Variants in GABRA5 observed in about 807,000 individuals in gnomAD.
GABRA5 encodes gamma-aminobutyric acid type A receptor subunit alpha5.
In GABRA5, 18 loss-of-function variants were observed where a neutral mutation model predicts 47.3. That is an observed-to-expected ratio of 0.38 (90% CI 0.26 to 0.56). The LOEUF (loss-of-function observed/expected upper bound fraction) is 0.56, where lower values mean the gene tolerates loss of function less well. Among genes scored for constraint, GABRA5 ranks in the 20% least tolerant of loss-of-function variants. GABRA5 has a pLI of 0.71. For missense variants in GABRA5, 365 were observed against 599.3 expected (o/e 0.61, Z 4.08); for synonymous variants, 237 against 229.3 (o/e 1.03, Z -0.30).
chr15:26,883,558 G>C lies in GABRA5; in HGVS notation c.497+1G>C. The C allele has an allele frequency of 1.3e-6, 2 of 1,579,286 alleles. No individual in the cohort carries two copies. The highest frequency in any genetic ancestry group is 1.7e-6 in the Non-Finnish European group (2 of 1,156,642). ...ACGGCACCCTGCTCTACACCATGCGGTGAGCGCCGGGCGGGGGCGGGCGGG... is the reference window on the plus strand; with the variant it reads ...ACGGCACCCTGCTCTACACCATGCGCTGAGCGCCGGGCGGGGGCGGGCGGG... On this transcript the variant is annotated splice_donor_variant, in intron 6 of 10. Coordinates refer to ENST00000335625, the MANE Select transcript of GABRA5 (RefSeq NM_000810.4). LOFTEE classifies it high-confidence loss of function. This position sits in a 1 kb window ranked among gnomAD's most constrained non-coding sequence, Gnocchi z 4.8.
intron 3 of GABRA5, among the ~76,000 whole-genome samples, chr15:26,872,462 T>G (rs1425284766): frequency 6.6e-6 from 1 of 152,172 alleles, no homozygotes; most frequent in Non-Finnish European, 1.5e-5. Context: ...AGGGTAGCCC[T>G]GGATCAAACC....
At chr15:26,940,109 G>C in intron 9 of GABRA5, 32 bp downstream of exon 9, 1 of 1,583,598 alleles carries the variant, frequency 6.3e-7, no homozygotes, top group Non-Finnish European at 8.6e-7. Context: ...CTGGACACTG[G>C]TGTTTTGTGA....
Position 26,883,076 on chromosome 15 carries a change from G to A in GABRA5, c.209-90G>A, listed in dbSNP as rs1198537025. On this transcript the variant is annotated intron_variant, in intron 4 of 10. Transcript: ENST00000335625. This position sits in a 1 kb window ranked among gnomAD's most constrained non-coding sequence, Gnocchi z 4.8. ...CTGCAAAAGCCCCCGGTTGCAGAGG[G>A]TGACCCTGGTTACTGGACTGAGAGC... 1 of 1,038,332 alleles carries A rather than the reference G, an allele frequency of 9.6e-7. No individual in the cohort carries two copies. Among genetic ancestry groups the A allele is most frequent in the Non-Finnish European group, 1.5e-6 (1 of 655,702 alleles). The allele number at this position is 1,038,332 out of a possible 1,614,324, so 64.3% of individuals were successfully genotyped here.
chr15:26,898,966 G>A (rs953629597), intron 6 of GABRA5, among the ~76,000 whole-genome samples: 2 of 151,930 alleles, frequency 1.3e-5, no homozygotes, highest in Non-Finnish European at 2.9e-5. Context: ...GAACTCCTGG[G>A]CTCAAGTGAT....
chr15:26,913,070 G>C (rs947053483), intron 6 of GABRA5, among the ~76,000 whole-genome samples: 5 of 149,772 alleles, frequency 3.3e-5, no homozygotes, highest in Non-Finnish European at 5.9e-5. Context: ...TATAATCCCA[G>C]CTACTCAGGA....
chr15:26,909,573 A>T (rs895680411), intron 6 of GABRA5, among the ~76,000 whole-genome samples: 2 of 152,168 alleles, frequency 1.3e-5, no homozygotes, highest in Non-Finnish European at 2.9e-5. Flanking sequence ...GCTCTAGGGG[A>T]GAGGCTGTTT....
chr15:26,888,478 G>C (rs1286480398), intron 6 of GABRA5, among the ~76,000 whole-genome samples: 2 of 152,170 alleles, frequency 1.3e-5, no homozygotes, highest in Non-Finnish European at 2.9e-5. Context: ...GGAGAGGTTA[G>C]GGGAGCTGAA....
rs1894552065 is a variant in GABRA5, at chr15:26,947,957, T to G, written c.1113T>G (p.Asn371Lys). ...KIKKKREVIL[N>K]KSTNAFTTGK... is the part of the protein sequence containing the mutation. ...AGAAAAAGCGTGAAGTCATACTAAA[T>G]AAGTCAACAAACGCTTTTACAACTG... Residue 371 changes from asparagine (N) to lysine (K), a missense_variant, in exon 11 of 11, where the codon AAT becomes AAG. Around this residue, in one of 3 missense-constraint regions of GABRA5, gnomAD observed 106 missense variants for 130.3 expected, o/e 0.81. Transcript: ENST00000335625. 6.3e-7 allele frequency: 1 copy of G among 1,583,126 alleles called. No homozygotes were observed. Among genetic ancestry groups the G allele is most frequent in the South Asian group, 1.2e-5 (1 of 86,578 alleles).
intron 6 of GABRA5, among the ~76,000 whole-genome samples, chr15:26,903,108 C>A (rs2140281517): frequency 6.6e-6 from 1 of 152,186 alleles, no homozygotes; most frequent in Middle Eastern, 3.4e-3. Flanking sequence ...TCTCCCTCAT[C>A]CCACCCTCCA....
intron 4 of GABRA5, among the ~76,000 whole-genome samples, chr15:26,882,036 G>A (rs1387243902): frequency 2.6e-5 from 4 of 152,182 alleles, no homozygotes; most frequent in African/African-American, 7.2e-5. Context: ...TCCACTTAAA[G>A]CATGAGTTGC....
chr15:26,874,613 G>A (rs1892548842), intron 3 of GABRA5, among the ~76,000 whole-genome samples: 1 of 152,182 alleles, frequency 6.6e-6, no homozygotes, highest in South Asian at 2.1e-4. Context: ...TGAAAACATT[G>A]TCTACTGCAG....
intron 7 of GABRA5, among the ~76,000 whole-genome samples, chr15:26,931,090 G>A (rs1894096532): frequency 1.3e-5 from 2 of 150,806 alleles, no homozygotes; most frequent in East Asian, 2.0e-4. Flanking sequence ...GTAGAGACGG[G>A]GTTTCACCAT....
chr15:26,883,221 C>T lies in GABRA5; in HGVS notation c.264C>T (p.Ser88=), dbSNP rs547815463. The change falls in exon 5 of 11, where the codon TCC becomes TCT. Residue 88 remains serine (S), a synonymous_variant. Coordinates refer to ENST00000335625, the MANE Select transcript of GABRA5 (RefSeq NM_000810.4). The surrounding 1 kb of genome is among the most constrained non-coding windows in gnomAD (Gnocchi z 4.8). The part of the protein sequence containing the change: ...DIYVTSFGPV[S]DTEMEYTIDV... ...ACGTCACCAGCTTCGGCCCGGTGTCCGACACGGAAATGGTAGGTCCCGGGG... is the reference window on the plus strand; with the variant it reads ...ACGTCACCAGCTTCGGCCCGGTGTCTGACACGGAAATGGTAGGTCCCGGGG... 15 of 1,613,842 alleles carry T rather than the reference C, an allele frequency of 9.3e-6. No homozygotes were observed. The highest frequency in any genetic ancestry group is 5.5e-5 in the South Asian group (5 of 91,086).
intron 6 of GABRA5, among the ~76,000 whole-genome samples, chr15:26,904,922 C>T (rs1893406640): frequency 6.6e-6 from 1 of 151,988 alleles, no homozygotes; most frequent in East Asian, 1.9e-4. Context: ...GTTTGACTTC[C>T]TTGCTTCCTA....
At position 26,914,833 on chromosome 15, in the gene GABRA5, G is replaced by A. The variant is rs1421383201; in HGVS notation, c.528G>A (p.Gln176=). The stretch of plus-strand genomic sequence containing the variant: ...CCATCTCTGCAGAGTGCCCCATGCA[G>A]CTTGAGGACTTCCCGATGGATGCGC... The part of the protein sequence containing the change: ...RLTISAECPM[Q]LEDFPMDAHA... Residue 176 remains glutamine, a synonymous_variant, in exon 7 of 11, where the codon CAG becomes CAA. Transcript: ENST00000335625. 1 of 1,614,030 alleles carries A rather than the reference G, an allele frequency of 6.2e-7. No individual in the cohort carries two copies. Among genetic ancestry groups the A allele is most frequent in the African/African-American group, 1.3e-5 (1 of 75,052 alleles).
In GABRA5 at chr15:26,937,317, G is replaced by A. The variant is rs762861847; in HGVS notation, c.713G>A (p.Ser238Asn). 19 of 1,611,354 alleles carry A rather than the reference G, an allele frequency of 1.2e-5. No individual in the cohort carries two copies. Among genetic ancestry groups the A allele is most frequent in the Non-Finnish European group, 1.5e-5 (18 of 1,178,608 alleles). The change falls in exon 8 of 11, where the codon AGC becomes AAC. Residue 238 changes from serine (S) to asparagine (N), a missense_variant. Ser to Asn is a conservative substitution (Grantham distance 46, BLOSUM62 1). Around this residue, in one of 3 missense-constraint regions of GABRA5, gnomAD observed 216 missense variants for 335.3 expected, o/e 0.64. Transcript: ENST00000335625. Reference protein sequence around the residue: ...MGQTVGTENISTSTGEYTIMT... With the variant: ...MGQTVGTENINTSTGEYTIMT... ...CAGACGGTGGGCACTGAGAACATCA[G>A]CACCAGCACAGGTGAGGGCTCGGCA...
rs948051098 is a variant in GABRA5, at chr15:26,944,765, T to C, written c.1089+1339T>C. On this transcript the variant is annotated intron_variant, in intron 10 of 10. Coordinates refer to ENST00000335625, the MANE Select transcript of GABRA5 (RefSeq NM_000810.4). ...CACTGTGTTGCTGGAAGGTGCTTGT[T>C]TGTCACCTGCCTGGGACATAGATGG... 2.0e-5 allele frequency among the ~76,000 whole-genome samples: 3 copies of C among 152,134 alleles called. 1 individual carries two copies. Among genetic ancestry groups the C allele is most frequent in the African/African-American group, 7.2e-5 (3 of 41,446 alleles).
Position 26,883,869 on chromosome 15 carries a change from C to T in GABRA5, c.497+312C>T, listed in dbSNP as rs887919391. Among the ~76,000 whole-genome samples, 1 of 152,088 alleles carries T rather than the reference C, an allele frequency of 6.6e-6. No individual in the cohort carries two copies. Among genetic ancestry groups the T allele is most frequent in the Non-Finnish European group, 1.5e-5 (1 of 68,030 alleles). On this transcript the variant is annotated intron_variant, in intron 6 of 10. Coordinates refer to ENST00000335625, the MANE Select transcript of GABRA5 (RefSeq NM_000810.4). This position sits in a 1 kb window ranked among gnomAD's most constrained non-coding sequence, Gnocchi z 4.8. The stretch of plus-strand genomic sequence containing the variant: ...AAATTATTATATTAAACTTAAACAT[C>T]TAAGGAGGACCGGGCGTGGTGGCTC...
Position 26,936,404 on chromosome 15 carries a change from C to T in GABRA5, c.581-781C>T, listed in dbSNP as rs139513304. ...CTCCTCGGCTTATGGCCCCCCTTAC[C>T]CCATCCTCAAGCCAGCAGTGGTGAG... On this transcript the variant is annotated intron_variant, in intron 7 of 10. Coordinates refer to ENST00000335625, the MANE Select transcript of GABRA5 (RefSeq NM_000810.4). Among the ~76,000 whole-genome samples, 69 of 152,286 alleles carry T rather than the reference C, an allele frequency of 4.5e-4. 1 individual carries two copies. The East Asian group carries it at 0.011, about 24-fold the overall frequency.
Sources: gnomAD v4.1 joint callset for allele counts (sites outside exome capture counted in the v4.1 genomes callset) on GRCh38, gnomAD v4.1.1 for gene constraint, gnomAD v4.1.1 regional missense constraint, Gnocchi (gnomAD v3.1) non-coding constraint, MANE v1.5 for transcripts, NCBI Gene and HGNC (gene_info 2026-07-23, HGNC 2026-07-21) for gene names.